Variants in KCNG4 observed in about 807,000 individuals in gnomAD.
KCNG4 encodes voltage-gated potassium channel regulatory subunit KCNG4.
Under a neutral mutation model 28.2 loss-of-function variants are expected in KCNG4, and 30 were observed. The ratio of observed to expected loss-of-function variants is 1.06; its 90% confidence interval spans 0.80 to 1.44. The LOEUF is 1.44. Among genes scored for constraint, KCNG4 ranks in the 40% most tolerant of loss-of-function variants. The pLI is 0.00. For synonymous variants in KCNG4, 375 were observed against 315.5 expected, an observed-to-expected ratio of 1.19 and a Z score of -2.00; for missense variants, 879 against 712.3, an observed-to-expected ratio of 1.23 and a Z score of -2.66.
At chr16:84,239,239 G>T (rs780319184) in intron 1 of KCNG4, among the ~76,000 whole-genome samples, 18 of 152,226 alleles carry the variant, frequency 1.2e-4, no homozygotes, top group African/African-American at 4.3e-4. Context: ...ACATTCTGTT[G>T]CTCTGAATGC....
At position 84,222,523 on chromosome 16, in the gene KCNG4, C is replaced by T. The variant is rs367898768; in HGVS notation, c.1254G>A (p.Thr418=). Residue 418 remains threonine (T), a synonymous_variant, in exon 3 of 3, where the codon ACG becomes ACA. Coordinates refer to ENST00000308251, the MANE Select transcript of KCNG4 (RefSeq NM_172347.3). The part of the protein sequence containing the change: ...SYWWAIISMT[T]VGYGDMVPRS... The stretch of plus-strand genomic sequence containing the variant: ...GGGGCACCATGTCCCCGTAGCCCAC[C>T]GTTGTCATGGAGATGATGGCCCACC... 58 of 1,613,454 alleles carry T rather than the reference C, an allele frequency of 3.6e-5. No individual in the cohort carries two copies. The highest frequency in any genetic ancestry group is 1.3e-4 in the East Asian group (6 of 44,872).
chr16:84,226,927 C>G lies in KCNG4; in HGVS notation c.757-3907G>C, dbSNP rs1414575613. On this transcript the variant is annotated intron_variant, in intron 2 of 2. Coordinates refer to ENST00000308251, the MANE Select transcript of KCNG4 (RefSeq NM_172347.3). This position sits in a 1 kb window ranked among gnomAD's most constrained non-coding sequence, Gnocchi z 4.1. ...GCAGAATATTGACCATTGTGTGTAG[C>G]TAAGTCATGGAGTCATGGTTTCCCA... 6.6e-6 allele frequency among the ~76,000 whole-genome samples: 1 copy of G among 151,874 alleles called. No homozygotes were observed. Among genetic ancestry groups the G allele is most frequent in the Non-Finnish European group, 1.5e-5 (1 of 67,950 alleles).
chr16:84,220,098 T>C lies in KCNG4; in HGVS notation c.*2119A>G, dbSNP rs897515317. The C allele has an allele frequency of 2.6e-5, 4 of 152,126 alleles. No homozygotes were observed. The highest frequency in any genetic ancestry group is 1.3e-4 in the Admixed American group (2 of 15,248). The allele number at this position is 152,126 out of a possible 1,614,324, so 9.4% of individuals were successfully genotyped here. A position where few individuals can be genotyped will look rare whatever the true frequency, so the allele number is the denominator to read the frequency against. On this transcript the variant is annotated 3_prime_UTR_variant, in exon 3 of 3. Transcript: ENST00000308251. ...AATAAATAAGTAATAAATAAAATGT[T>C]ACTCTGGAACAGAAACACTTCTATG...
chr16:84,235,068 C>G (rs1014839142), intron 2 of KCNG4, among the ~76,000 whole-genome samples: 1 of 152,178 alleles, frequency 6.6e-6, no homozygotes, highest in African/African-American at 2.4e-5. Flanking sequence ...CTGCCTGATC[C>G]TCGGCTGAAA....
At chr16:84,232,255 G>A (rs1904845024) in intron 2 of KCNG4, among the ~76,000 whole-genome samples, 1 of 152,214 alleles carries the variant, frequency 6.6e-6, no homozygotes, top group African/African-American at 2.4e-5. Context: ...GCCATGAAGA[G>A]GAATGAAGGT....
At chr16:84,238,776 G>A (rs978092754) in intron 1 of KCNG4, among the ~76,000 whole-genome samples, 1 of 152,266 alleles carries the variant, frequency 6.6e-6, no homozygotes, top group African/African-American at 2.4e-5. Context: ...GCTGAGGCAG[G>A]AGAATCGCTT....
At position 84,222,700 on chromosome 16, in the gene KCNG4, C is replaced by G. The variant is rs182602310; in HGVS notation, c.1077G>C (p.Thr359=). Residue 359 remains threonine (T), a synonymous_variant, in exon 3 of 3, where the codon ACG becomes ACC. Coordinates refer to ENST00000308251, the MANE Select transcript of KCNG4 (RefSeq NM_172347.3). ...TGCAACGGCGCACGGTGAGCCCCAGCGTCTGCAGCCCCAGCGAGTGGCGAG... is the reference window on the plus strand; with the variant it reads ...TGCAACGGCGCACGGTGAGCCCCAGGGTCTGCAGCCCCAGCGAGTGGCGAG... ...RLARHSLGLQ[T]LGLTVRRCTR... is the part of the protein sequence containing the mutation. 9.9e-6 allele frequency: 16 copies of G among 1,613,272 alleles called. No individual in the cohort carries two copies. Among genetic ancestry groups the G allele is most frequent in the African/African-American group, 2.7e-5 (2 of 75,050 alleles).
Position 84,219,468 on chromosome 16 carries a change from C to G in KCNG4, c.*2749G>C, listed in dbSNP as rs1233674585. On this transcript the variant is annotated 3_prime_UTR_variant, in exon 3 of 3. Transcript: ENST00000308251. ...TCAGGCTTGGGCACGGTGGCTCACGCCTGTAATCCCAGCACTTTGGGAGGC... is the reference window on the plus strand; with the variant it reads ...TCAGGCTTGGGCACGGTGGCTCACGGCTGTAATCCCAGCACTTTGGGAGGC... 1 of 152,282 alleles carries G rather than the reference C, an allele frequency of 6.6e-6. No individual in the cohort carries two copies. Among genetic ancestry groups the G allele is most frequent in the African/African-American group, 2.4e-5 (1 of 41,448 alleles). 9.4% of individuals were successfully genotyped at this position (152,282 alleles called of 1,614,324 possible).
rs1425005579 is a variant in KCNG4 at position 84,234,309 on chromosome 16, A to G, written c.756+2421T>C. Among the ~76,000 whole-genome samples, 14 of 152,214 alleles carry G rather than the reference A, an allele frequency of 9.2e-5. No individual in the cohort carries two copies. The South Asian group carries it at 2.5e-3, about 27-fold the overall frequency. On this transcript the variant is annotated intron_variant, in intron 2 of 2. Coordinates refer to ENST00000308251, the MANE Select transcript of KCNG4 (RefSeq NM_172347.3). ...TGCCTCAGCCTCCCAAGTAGCTGGGATTACAGGCACAAGCCACCACACCTG... is the reference window on the plus strand; with the variant it reads ...TGCCTCAGCCTCCCAAGTAGCTGGGGTTACAGGCACAAGCCACCACACCTG...
At chr16:84,232,131 G>A (rs1904841809) in intron 2 of KCNG4, among the ~76,000 whole-genome samples, 1 of 152,122 alleles carries the variant, frequency 6.6e-6, no homozygotes, top group Non-Finnish European at 1.5e-5. Flanking sequence ...CCTTGGAGGT[G>A]GGGGTCGGTC....
rs777065456 is a variant in KCNG4, at chr16:84,222,392, A to C, written c.1385T>G (p.Leu462Arg). ...SIFHTFSHSY[L>R]ELKKEQEQLQ... ...CTGCTCCTGCTCCTTCTTGAGCTCC[A>C]GGTAGGAGTGGGAGAAGGTGTGGAA... Residue 462 changes from leucine (L) to arginine (R), a missense_variant, in exon 3 of 3, where the codon CTG becomes CGG. Leu to Arg is a moderately radical substitution (Grantham distance 102, BLOSUM62 -2). Transcript: ENST00000308251. The C allele has an allele frequency of 2.5e-6, 4 of 1,614,158 alleles. No individual in the cohort carries two copies. The South Asian group carries it at 4.4e-5, about 18-fold the overall frequency.
At position 84,237,218 on chromosome 16, in the gene KCNG4, G is replaced by A. The variant is rs766259141; in HGVS notation, c.268C>T (p.Leu90Phe). 1 of 1,614,126 alleles carries A rather than the reference G, an allele frequency of 6.2e-7. No homozygotes were observed. The highest frequency in any genetic ancestry group is 1.7e-5 in the Admixed American group (1 of 60,028). Residue 90 changes from leucine (L) to phenylalanine (F), a missense_variant, in exon 2 of 3, where the codon CTC becomes TTC. By Grantham distance (22) the Leu-to-Phe change is conservative. Coordinates refer to ENST00000308251, the MANE Select transcript of KCNG4 (RefSeq NM_172347.3). ...FPLSRLSKLR[L>F]CRSYEEIVQL... ...ACGATCTCCTCGTAGCTCCGACAGA[G>A]CCTGAGTTTGCTCAGGCGGCTCAGC...
At chr16:84,235,523 T>G (rs998664359) in intron 2 of KCNG4, 92 of 152,324 alleles carry the variant, frequency 6.0e-4, no homozygotes, top group Middle Eastern at 6.8e-3. Flanking sequence ...TTTGTGGGTT[T>G]TTTTAGGGCC....
At position 84,220,164 on chromosome 16, in the gene KCNG4, A is replaced by G. The variant is rs547414623; in HGVS notation, c.*2053T>C. 10 of 152,334 alleles carry G rather than the reference A, an allele frequency of 6.6e-5. No individual in the cohort carries two copies. The highest frequency in any genetic ancestry group is 2.4e-4 in the African/African-American group (10 of 41,572). 9.4% of individuals were successfully genotyped at this position (152,334 alleles called of 1,614,324 possible). A position where few individuals can be genotyped will look rare whatever the true frequency, so the allele number is the denominator to read the frequency against. On this transcript the variant is annotated 3_prime_UTR_variant, in exon 3 of 3. Coordinates refer to ENST00000308251, the MANE Select transcript of KCNG4 (RefSeq NM_172347.3). ...GCCTGTGACATGGAATTTCTACGCA[A>G]CGCTTATGGGAATCTGCCTGTCACT...
chr16:84,224,813 C>T (rs1026411383), intron 2 of KCNG4, among the ~76,000 whole-genome samples: 1 of 152,196 alleles, frequency 6.6e-6, no homozygotes, highest in Admixed American at 6.5e-5. Context: ...AGTGCGAAGC[C>T]ACACAGCAAG....
chr16:84,223,385 A>G (rs1904625345), intron 2 of KCNG4, among the ~76,000 whole-genome samples: 1 of 152,210 alleles, frequency 6.6e-6, no homozygotes, highest in Non-Finnish European at 1.5e-5. Context: ...GGACTGGACC[A>G]GCGCCCCAGG....
intron 1 of KCNG4, among the ~76,000 whole-genome samples, chr16:84,238,253 C>T (rs74035524): frequency 0.025 from 3,800 of 152,234 alleles, 179 homozygotes; most frequent in African/African-American, 0.087. Flanking sequence ...GGAAGGTTTG[C>T]GTGTCTTGCC....
intron 1 of KCNG4, among the ~76,000 whole-genome samples, chr16:84,237,938 T>A (rs1905015186): frequency 6.6e-6 from 1 of 152,040 alleles, no homozygotes; most frequent in Admixed American, 6.6e-5. Context: ...AAGGTACAGG[T>A]AGTAAAAATA....
chr16:84,223,961 A>G (rs244876), intron 2 of KCNG4, among the ~76,000 whole-genome samples: 4,230 of 152,238 alleles, frequency 0.028, 219 homozygotes, highest in African/African-American at 0.098. Flanking sequence ...ATTCTAGCTC[A>G]GCAGTTCCAG....
Sources: gnomAD v4.1 joint callset for allele counts (sites outside exome capture counted in the v4.1 genomes callset) on GRCh38, gnomAD v4.1.1 for gene constraint, Gnocchi (gnomAD v3.1) non-coding constraint, MANE v1.5 for transcripts, NCBI Gene and HGNC (gene_info 2026-07-23, HGNC 2026-07-21) for gene names.